TRPM7: variants seen among roughly 807,000 people sequenced by gnomAD.
The protein encoded by TRPM7 is transient receptor potential cation channel subfamily M member 7, also known as LTRPC ion channel family member 7.
TRPM7 carries 134 observed loss-of-function variants against 229.7 expected under a neutral mutation model. The ratio of observed to expected loss-of-function variants is 0.58; its 90% CI spans 0.51 to 0.67. The LOEUF (loss-of-function observed/expected upper bound fraction) is 0.67, where lower values mean the gene tolerates loss of function less well. Among genes scored for constraint, TRPM7 ranks in the 30% least tolerant of loss-of-function variants. TRPM7 has a pLI of 0.00. For missense variants in TRPM7, 1,901 were observed against 2,210.0 expected (o/e 0.86, Z 2.80); for synonymous variants, 699 against 715.2 (o/e 0.98, Z 0.36).
At chr15:50,577,994 A>G (rs2054218243) in intron 31 of TRPM7, among the ~76,000 whole-genome samples, 1 of 152,222 alleles carries the variant, frequency 6.6e-6, no homozygotes, top group Non-Finnish European at 1.5e-5. Context: ...TTATATAGCC[A>G]ATATGCACAT....
At chr15:50,641,745 A>G (rs761316346) in intron 5 of TRPM7, among the ~76,000 whole-genome samples, 2 of 152,110 alleles carry the variant, frequency 1.3e-5, no homozygotes, top group Admixed American at 1.3e-4. Flanking sequence ...CACACCTGTA[A>G]CCCCAGTACT....
intron 10 of TRPM7, among the ~76,000 whole-genome samples, chr15:50,630,210 T>C (rs1264128816): frequency 1.3e-5 from 2 of 151,790 alleles, no homozygotes; most frequent in African/African-American, 4.8e-5. Flanking sequence ...TTTTCCTTTT[T>C]GGTTTCTAGG....
chr15:50,618,363 G>A (rs1004763101), intron 13 of TRPM7, among the ~76,000 whole-genome samples: 1 of 152,068 alleles, frequency 6.6e-6, no homozygotes, highest in African/African-American at 2.4e-5. Flanking sequence ...GAGGTCAGGA[G>A]ATCGAGACCA....
Position 50,575,118 on chromosome 15 carries a change from A to G in TRPM7, c.4753T>C (p.Tyr1585His). The change falls in exon 34 of 39, where the codon TAT becomes CAT. Residue 1585 changes from tyrosine to histidine, a missense_variant. Around this residue, in one of 8 missense-constraint regions of TRPM7, gnomAD observed 257 missense variants for 352.0 expected, o/e 0.73. Coordinates refer to ENST00000646667, the MANE Select transcript of TRPM7 (RefSeq NM_017672.6). ...TTGGGTGAACTCTCTTCCAAACGAT[A>G]CACTGTGACAGGCTCCCCTGCAACA... Reference protein sequence around the residue: ...VPPRGEPVTVYRLEESSPNIL... With the variant: ...VPPRGEPVTVHRLEESSPNIL... The G allele has an allele frequency of 6.2e-7, 1 of 1,605,170 alleles. No individual in the cohort carries two copies. Among genetic ancestry groups the G allele is most frequent in the Non-Finnish European group, 8.5e-7 (1 of 1,173,580 alleles).
At chr15:50,659,208 G>GA (rs1342287767) in intron 2 of TRPM7, among the ~76,000 whole-genome samples, 1 of 146,806 alleles carries the variant, frequency 6.8e-6, no homozygotes, top group Non-Finnish European at 1.5e-5. Flanking sequence ...AAAAAAAAAA[G>GA]AAAGAACAAA....
intron 31 of TRPM7, among the ~76,000 whole-genome samples, chr15:50,576,620 T>C (rs935914939): frequency 3.9e-5 from 6 of 152,182 alleles, no homozygotes; most frequent in Non-Finnish European, 7.3e-5. Context: ...AGGGGGAAGA[T>C]TGACCTATAG....
rs55840070 is a variant in TRPM7 at position 50,589,650 on chromosome 15, C to T, written c.4331G>A (p.Arg1444Lys). Residue 1444 changes from arginine to lysine, a missense_variant, in exon 27 of 39, where the codon AGA becomes AAA. This residue lies in a region of TRPM7 where 533 missense variants were observed against 497.1 expected (regional missense o/e 1.07). Transcript: ENST00000646667. ...AAACCTCTGTAAATCCATGCTATCT[C>T]TGTGTCCTTTAATAGAAAAAAAGAT... ...NTEFGAFVGH[R>K]DSMDLQRFKE... 1.3e-6 allele frequency: 2 copies of T among 1,588,642 alleles called. No homozygotes were observed. The highest frequency in any genetic ancestry group is 1.7e-6 in the Non-Finnish European group (2 of 1,166,526).
At chr15:50,663,215 G>A (rs1314331850) in intron 1 of TRPM7, among the ~76,000 whole-genome samples, 169 bp from the exon 2 acceptor site, 1 of 151,162 alleles carries the variant, frequency 6.6e-6, no homozygotes, top group African/African-American at 2.4e-5. Flanking sequence ...CACAACCTCC[G>A]CCTCCCGGGT....
At position 50,628,123 on chromosome 15, in the gene TRPM7, A is replaced by G. The variant is rs1283959042; in HGVS notation, c.1305+26T>C. On this transcript the variant is annotated intron_variant, in intron 11 of 38. Coordinates refer to ENST00000646667, the MANE Select transcript of TRPM7 (RefSeq NM_017672.6). ...TTATTACTTAGTGTAATTTAATTGT[A>G]TTGTGTATGTAGATTATTTACATAC... is the stretch of plus-strand genomic sequence containing the variant. 5 of 1,468,936 alleles carry G rather than the reference A, an allele frequency of 3.4e-6. No homozygotes were observed. The South Asian group carries it at 3.5e-5, about 10-fold the overall frequency. The allele number at this position is 1,468,936 out of a possible 1,614,324, so 91.0% of individuals were successfully genotyped here. A position where few individuals can be genotyped will look rare whatever the true frequency, so the allele number is the denominator to read the frequency against.
chr15:50,615,588 A>AT (rs1254583773), intron 13 of TRPM7, among the ~76,000 whole-genome samples: 2 of 151,884 alleles, frequency 1.3e-5, no homozygotes, highest in Admixed American at 1.3e-4. Flanking sequence ...TACCATCACC[A>AT]TTTTTTTATT....
At position 50,648,728 on chromosome 15, in the gene TRPM7, C is replaced by G; in HGVS notation, c.280G>C (p.Val94Leu). ...TEQSPTDAYG[V>L]INFQGGSHSY... ...TGAGAACCCCCTTGAAAATTTATGA[C>G]TCCATAAGCATCCGTTGGGCTCTGT... Residue 94 changes from valine to leucine, a missense_variant, in exon 4 of 39, where the codon GTC becomes CTC. Physicochemically the swap from Val to Leu is conservative, Grantham distance 32. Coordinates refer to ENST00000646667, the MANE Select transcript of TRPM7 (RefSeq NM_017672.6). The G allele has an allele frequency of 6.2e-7, 1 of 1,612,502 alleles. No individual in the cohort carries two copies. Among genetic ancestry groups the G allele is most frequent in the Non-Finnish European group, 8.5e-7 (1 of 1,179,138 alleles).
chr15:50,664,785 C>T (rs1375157073), intron 1 of TRPM7, among the ~76,000 whole-genome samples: 3 of 152,006 alleles, frequency 2.0e-5, no homozygotes, highest in Non-Finnish European at 2.9e-5. Flanking sequence ...CACAGTGAGA[C>T]TCCATCTCTA....
chr15:50,609,553 A>G, intron 19 of TRPM7, 28 bp downstream of exon 19: 3 of 1,588,384 alleles, frequency 1.9e-6, no homozygotes, highest in Non-Finnish European at 2.6e-6. Flanking sequence ...TCTTAAAAAC[A>G]TTATGCTTGT....
In TRPM7 at chr15:50,599,316, G is replaced by A; in HGVS notation, c.2989-20C>T. On this transcript the variant is annotated intron_variant, in intron 21 of 38. Coordinates refer to ENST00000646667, the MANE Select transcript of TRPM7 (RefSeq NM_017672.6). ...GGCCACCTGTTAAAAAATGAACACT[G>A]TTAAAATACAAGGAAGTTTAAACAC... The A allele has an allele frequency of 1.3e-6, 2 of 1,565,948 alleles. No homozygotes were observed. Among genetic ancestry groups the A allele is most frequent in the Non-Finnish European group, 1.7e-6 (2 of 1,149,920 alleles).
At position 50,623,337 on chromosome 15, in the gene TRPM7, G is replaced by A. The variant is rs561504102; in HGVS notation, c.1440+829C>T. Reference sequence around the variant, plus strand: ...TGAGGCAGGAGAATCACTTGAACCAGGGAGGCGGAGGCTGCAGTGAGCAAA... The same window carrying A: ...TGAGGCAGGAGAATCACTTGAACCAAGGAGGCGGAGGCTGCAGTGAGCAAA... On this transcript the variant is annotated intron_variant, in intron 12 of 38. Transcript: ENST00000646667. Among the ~76,000 whole-genome samples the A allele has an allele frequency of 2.9e-3, 442 of 152,032 alleles. 2 individuals are homozygous for A. Among genetic ancestry groups the A allele is most frequent in the African/African-American group, 0.01 (429 of 41,472 alleles).
chr15:50,596,544 C>T (rs563642111), intron 22 of TRPM7, among the ~76,000 whole-genome samples, 163 bp from the exon 23 acceptor site: 1 of 152,264 alleles, frequency 6.6e-6, no homozygotes, highest in East Asian at 1.9e-4. Context: ...GGCAAGGAGA[C>T]ATAGGAACCC....
intron 24 of TRPM7, 31 bp downstream of exon 24, chr15:50,594,398 G>T (rs1192968541): frequency 1.3e-6 from 2 of 1,530,504 alleles, no homozygotes; most frequent in Non-Finnish European, 1.8e-6. Flanking sequence ...GTGATAAAAT[G>T]AAAACATTTG....
At chr15:50,590,808 A>T (rs2059469176) in intron 26 of TRPM7, among the ~76,000 whole-genome samples, 1 of 148,828 alleles carries the variant, frequency 6.7e-6, no homozygotes, top group South Asian at 2.2e-4. Context: ...TGGGCGACAG[A>T]GGGAGACTCC....
intron 1 of TRPM7, among the ~76,000 whole-genome samples, chr15:50,681,819 T>C (rs2062244381): frequency 6.6e-6 from 1 of 152,224 alleles, no homozygotes; most frequent in Admixed American, 6.5e-5. Context: ...ACTTTAATCC[T>C]AATATTGCTC....
Sources: gnomAD v4.1 joint callset for allele counts (sites outside exome capture counted in the v4.1 genomes callset) on GRCh38, gnomAD v4.1.1 for gene constraint, gnomAD v4.1.1 regional missense constraint, MANE v1.5 for transcripts, NCBI Gene and HGNC (gene_info 2026-07-23, HGNC 2026-07-21) for gene names.